TENM2: variants seen among roughly 807,000 people sequenced by gnomAD.
The protein encoded by TENM2 is teneurin transmembrane protein 2.
Under a neutral mutation model 245.2 loss-of-function variants are expected in TENM2, and 52 were observed. The observed-to-expected ratio is 0.21, with a 90% confidence interval of 0.17 to 0.27. The LOEUF is 0.27. Among genes scored for constraint, TENM2 ranks in the 10% least tolerant of loss-of-function variants. The pLI is 1.00. For missense variants in TENM2, 3,046 were observed against 3,666.8 expected (o/e 0.83, Z 4.37); for synonymous variants, 1,363 against 1,438.9 (o/e 0.95, Z 1.19).
intron 3 of TENM2, among the ~76,000 whole-genome samples, chr5:167,894,759 A>G (rs1775038296): frequency 6.6e-6 from 1 of 152,188 alleles, no homozygotes; most frequent in African/African-American, 2.4e-5. Context: ...TAATGTTACT[A>G]TTGTATATTT....
At chr5:168,195,606 GTGTGT>G (rs1761361410) in intron 15 of TENM2, among the ~76,000 whole-genome samples, 1 of 116,416 alleles carries the variant, frequency 8.6e-6, no homozygotes, top group African/African-American at 3.5e-5. Flanking sequence ...GTGTGTGTGT[GTGTGT>G]TGGGGTGGGG....
At chr5:168,242,137 G>C (rs1766155537) in intron 25 of TENM2, among the ~76,000 whole-genome samples, 1 of 152,158 alleles carries the variant, frequency 6.6e-6, no homozygotes, top group Admixed American at 6.5e-5. Context: ...GCTCTCAGCT[G>C]AGTCAATTTC....
At chr5:167,120,128 T>C in the TENM2 span, among the ~76,000 whole-genome samples, 124 of 152,232 alleles carry the variant, frequency 8.1e-4, 1 homozygote, top group African/African-American at 2.7e-3. Context: ...GTACATGCCA[T>C]AGATGCCCAG....
the TENM2 span, among the ~76,000 whole-genome samples, chr5:167,273,729 CAAAT>C: frequency 2.0e-5 from 3 of 151,936 alleles, no homozygotes; most frequent in Admixed American, 6.6e-5. Flanking sequence ...GCAGAGGGTT[CAAAT>C]AAATAAAGAA....
At chr5:167,881,254 T>C (rs1303473173) in intron 3 of TENM2, among the ~76,000 whole-genome samples, 1 of 152,240 alleles carries the variant, frequency 6.6e-6, no homozygotes, top group African/African-American at 2.4e-5. Flanking sequence ...ATTATGCACA[T>C]TGATGATTGT....
intron 2 of TENM2, among the ~76,000 whole-genome samples, chr5:167,536,679 G>T (rs956323449): frequency 2.6e-5 from 4 of 152,088 alleles, no homozygotes; most frequent in African/African-American, 9.7e-5. Flanking sequence ...TTGCCCTAAG[G>T]CCTCAGACTT....
intron 2 of TENM2, among the ~76,000 whole-genome samples, chr5:167,563,729 A>G (rs550657897): frequency 2.1e-4 from 32 of 152,316 alleles, no homozygotes; most frequent in African/African-American, 7.5e-4. Context: ...TATCTTCTAT[A>G]CAGTGTTTTT....
chr5:167,996,715 C>T (rs2152026490), intron 5 of TENM2, among the ~76,000 whole-genome samples: 1 of 101,320 alleles, frequency 9.9e-6, no homozygotes, highest in Non-Finnish European at 1.8e-5. Flanking sequence ...CCATTTGAAT[C>T]ACTTTTTGTT....
intron 2 of TENM2, among the ~76,000 whole-genome samples, chr5:167,398,410 CTT>C (rs1201446300): frequency 1.3e-5 from 1 of 78,314 alleles, no homozygotes; most frequent in Non-Finnish European, 2.6e-5. Flanking sequence ...TTCTTTCTTT[CTT>C]TCTCTCTCTC....
chr5:167,640,300 C>T lies in TENM2; in HGVS notation c.503-235686C>T, dbSNP rs538786664. Among the ~76,000 whole-genome samples the T allele has an allele frequency of 5.1e-4, 77 of 152,222 alleles. 1 individual carries two copies. The South Asian group carries it at 0.015, about 29-fold the overall frequency. Reference sequence around the variant, plus strand: ...CCCACCAGGCAAGTGATTGTGAGAACGAAGTAACAAAACAAATTGCAGATT... The same window carrying T: ...CCCACCAGGCAAGTGATTGTGAGAATGAAGTAACAAAACAAATTGCAGATT... On this transcript the variant is annotated intron_variant, in intron 2 of 28. Transcript: ENST00000518659.
intron 13 of TENM2, among the ~76,000 whole-genome samples, chr5:168,176,035 C>T (rs1759327157): frequency 6.6e-6 from 1 of 152,206 alleles, no homozygotes; most frequent in Admixed American, 6.5e-5. Context: ...TTTTGGGATG[C>T]CCCCTTACCT....
chr5:167,354,002 CAT>C (rs1364097025), intron 1 of TENM2, among the ~76,000 whole-genome samples: 2 of 152,126 alleles, frequency 1.3e-5, no homozygotes, highest in African/African-American at 4.8e-5. Context: ...AAGAAAGAAA[CAT>C]AGAATAAAGT....
At chr5:168,194,338 C>T (rs183048347) in intron 14 of TENM2, among the ~76,000 whole-genome samples, 29 of 152,242 alleles carry the variant, frequency 1.9e-4, no homozygotes, top group African/African-American at 7.0e-4. Context: ...AATATTGTAG[C>T]ATCTCTCTGG....
chr5:167,552,254 A>G (rs894927844), intron 2 of TENM2, among the ~76,000 whole-genome samples: 1 of 152,222 alleles, frequency 6.6e-6, no homozygotes, highest in African/African-American at 2.4e-5. Context: ...TTCAAGCTGC[A>G]TAAATATACT....
intron 2 of TENM2, chr5:167,660,391 G>A (rs1171969921): frequency 2.0e-5 from 3 of 150,530 alleles, no homozygotes; most frequent in African/African-American, 7.4e-5. Context: ...CGTGAACCCG[G>A]GAGGTGGAGC....
At chr5:168,256,502 T>G (rs965562656) in intron 27 of TENM2, among the ~76,000 whole-genome samples, 1 of 150,904 alleles carries the variant, frequency 6.6e-6, no homozygotes, top group Non-Finnish European at 1.5e-5. Flanking sequence ...CTCAGCTCAC[T>G]GCAGCCTCCA....
chr5:167,235,040 C>T, the TENM2 span, among the ~76,000 whole-genome samples: 9 of 152,128 alleles, frequency 5.9e-5, no homozygotes, highest in Non-Finnish European at 1.3e-4. Context: ...GGCTTAAAAA[C>T]AGTAGGAATG....
chr5:167,348,342 T>C (rs944286911), intron 1 of TENM2, among the ~76,000 whole-genome samples: 4 of 152,174 alleles, frequency 2.6e-5, no homozygotes, highest in Non-Finnish European at 4.4e-5. Context: ...ATTATATTTA[T>C]ATTTGTGCAT....
intron 1 of TENM2, among the ~76,000 whole-genome samples, chr5:167,330,723 C>T (rs1757392223): frequency 6.6e-6 from 1 of 152,154 alleles, no homozygotes; most frequent in South Asian, 2.1e-4. Context: ...AACAGCAATG[C>T]TCATGATAAT....
Sources: gnomAD v4.1 joint callset for allele counts (sites outside exome capture counted in the v4.1 genomes callset) on GRCh38, gnomAD v4.1.1 for gene constraint, MANE v1.5 for transcripts, NCBI Gene and HGNC (gene_info 2026-07-23, HGNC 2026-07-21) for gene names.